Variants in GPC5 observed in about 807,000 individuals in gnomAD.
The protein encoded by GPC5 is glypican-5.
In GPC5, 47 loss-of-function variants were observed where a neutral mutation model predicts 53.9. The observed-to-expected ratio is 0.87, with a 90% CI of 0.69 to 1.11. GPC5 has a LOEUF of 1.11. Ranked by LOEUF, GPC5 falls within the 50% of genes most tolerant of loss-of-function variation. The pLI is 0.00. For synonymous variants in GPC5, 286 were observed against 263.3 expected (o/e 1.09, Z -0.84); for missense variants, 748 against 713.1 (o/e 1.05, Z -0.56).
At chr13:91,732,409 A>C (rs1490274331) in intron 4 of GPC5, among the ~76,000 whole-genome samples, 1 of 148,844 alleles carries the variant, frequency 6.7e-6, no homozygotes, top group Non-Finnish European at 1.5e-5. Flanking sequence ...AAGTTTGTAG[A>C]TTCTGGATAT....
At chr13:91,580,697 T>G (rs2032328689) in intron 2 of GPC5, among the ~76,000 whole-genome samples, 1 of 152,238 alleles carries the variant, frequency 6.6e-6, no homozygotes, top group Admixed American at 6.5e-5. Context: ...CCCTTTAGGA[T>G]AAGCTCTTAC....
intron 2 of GPC5, among the ~76,000 whole-genome samples, chr13:91,561,808 G>T (rs751042190): frequency 2.6e-5 from 4 of 151,426 alleles, no homozygotes; most frequent in Non-Finnish European, 5.9e-5. Flanking sequence ...GTGCTGGCAG[G>T]TTTTCCAGAT....
chr13:92,581,950 A>T (rs1014312928), intron 7 of GPC5, among the ~76,000 whole-genome samples: 1 of 152,132 alleles, frequency 6.6e-6, no homozygotes, highest in South Asian at 2.1e-4. Context: ...TTTGGATATC[A>T]ACGCATTACC....
At chr13:91,826,457 G>A (rs1302211394) in intron 5 of GPC5, among the ~76,000 whole-genome samples, 2 of 151,950 alleles carry the variant, frequency 1.3e-5, no homozygotes, top group Admixed American at 1.3e-4. Context: ...AGCATATTAA[G>A]AGGTCAATTC....
At chr13:92,761,676 C>G (rs1046875638) in intron 7 of GPC5, among the ~76,000 whole-genome samples, 4 of 152,114 alleles carry the variant, frequency 2.6e-5, no homozygotes, top group African/African-American at 9.7e-5. Flanking sequence ...TTCAACCACT[C>G]TATGTATTTT....
At chr13:91,439,744 C>A (rs1280155469) in intron 1 of GPC5, among the ~76,000 whole-genome samples, 1 of 152,188 alleles carries the variant, frequency 6.6e-6, no homozygotes, top group Non-Finnish European at 1.5e-5. Context: ...CATTGCTCTC[C>A]AGGTTATCTT....
intron 7 of GPC5, among the ~76,000 whole-genome samples, chr13:92,540,639 G>A (rs946978627): frequency 1.3e-5 from 2 of 151,912 alleles, no homozygotes; most frequent in South Asian, 4.1e-4. Flanking sequence ...CTATTTCATT[G>A]ATTAGGAAAA....
intron 6 of GPC5, among the ~76,000 whole-genome samples, chr13:91,940,176 T>TA (rs1394104556): frequency 6.6e-6 from 1 of 152,128 alleles, no homozygotes; most frequent in African/African-American, 2.4e-5. Flanking sequence ...CCATAGTGTC[T>TA]ATTGTTTCCA....
chr13:92,467,578 G>A (rs1312278253), intron 7 of GPC5, among the ~76,000 whole-genome samples: 1 of 152,032 alleles, frequency 6.6e-6, no homozygotes, highest in Non-Finnish European at 1.5e-5. Context: ...AATATATGAT[G>A]TAGGTACTAT....
At chr13:91,999,284 C>T (rs1297300870) in intron 6 of GPC5, among the ~76,000 whole-genome samples, 1 of 151,954 alleles carries the variant, frequency 6.6e-6, no homozygotes, top group Non-Finnish European at 1.5e-5. Flanking sequence ...TCCCATATTG[C>T]CTAATTTCAC....
chr13:92,350,040 T>G (rs2043462749), intron 7 of GPC5, among the ~76,000 whole-genome samples: 1 of 152,156 alleles, frequency 6.6e-6, no homozygotes, highest in African/African-American at 2.4e-5. Context: ...TCCATCATGA[T>G]CAAGTGGTGT....
chr13:92,560,857 A>ATGTGTGTGTGTGTGTGTG (rs34114433), intron 7 of GPC5, among the ~76,000 whole-genome samples: 17 of 139,254 alleles, frequency 1.2e-4, no homozygotes, highest in East Asian at 2.2e-4. Flanking sequence ...AGAAAATTAT[A>ATGTGTGTGTGTGTGTGTG]TGTGTGTGTG....
At chr13:92,100,788 T>C (rs565004051) in intron 6 of GPC5, among the ~76,000 whole-genome samples, 1 of 152,278 alleles carries the variant, frequency 6.6e-6, no homozygotes, top group Admixed American at 6.5e-5. Context: ...GAAAGTCAGG[T>C]TGTGCTATAG....
At chr13:92,329,941 T>G (rs374723255) in intron 7 of GPC5, among the ~76,000 whole-genome samples, 1 of 152,206 alleles carries the variant, frequency 6.6e-6, no homozygotes. Context: ...GAGGCTTTGA[T>G]GTTTTTCACT....
chr13:91,773,345 A>G (rs1240012042), intron 5 of GPC5, among the ~76,000 whole-genome samples: 2 of 152,170 alleles, frequency 1.3e-5, no homozygotes, highest in South Asian at 4.1e-4. Flanking sequence ...GTTTTGCATA[A>G]TAATGGCTAT....
intron 7 of GPC5, among the ~76,000 whole-genome samples, chr13:92,205,133 C>T (rs777084843): frequency 1.3e-5 from 2 of 152,126 alleles, no homozygotes; most frequent in African/African-American, 4.8e-5. Context: ...CCACCTCGGC[C>T]TCCCAGAGTG....
Position 92,470,828 on chromosome 13 carries a change from G to T in GPC5, c.1561+325839G>T, listed in dbSNP as rs529744479. 2.0e-5 allele frequency among the ~76,000 whole-genome samples: 3 copies of T among 152,292 alleles called. No homozygotes were observed. In the East Asian group the frequency reaches 5.8e-4, roughly 29 times the overall value. Reference sequence around the variant, plus strand: ...CTTAGATATTAAAAGGGCTTTAGGGGACTTTGCTTGCCCCTCTAGATGTCA... The same window carrying T: ...CTTAGATATTAAAAGGGCTTTAGGGTACTTTGCTTGCCCCTCTAGATGTCA... On this transcript the variant is annotated intron_variant, in intron 7 of 7. Transcript: ENST00000377067.
intron 1 of GPC5, among the ~76,000 whole-genome samples, chr13:91,428,973 G>T (rs897716592): frequency 6.6e-6 from 1 of 152,154 alleles, no homozygotes; most frequent in African/African-American, 2.4e-5. Context: ...AGGTTAGAGT[G>T]CAGTGGCATG....
At chr13:91,544,511 G>A (rs1266029093) in intron 2 of GPC5, among the ~76,000 whole-genome samples, 1 of 152,084 alleles carries the variant, frequency 6.6e-6, no homozygotes, top group Non-Finnish European at 1.5e-5. Context: ...TATTATAAAT[G>A]TTCTAAGGTA....
Sources: allele counts gnomAD v4.1 joint callset (sites outside exome capture counted in the v4.1 genomes callset), GRCh38; gene constraint gnomAD v4.1.1; transcripts MANE v1.5; gene names NCBI Gene and HGNC (gene_info 2026-07-23, HGNC 2026-07-21).